The following RBFOX1 variants were observed in gnomAD, a reference collection of about 807,000 sequenced individuals.
RBFOX1 encodes RNA binding protein fox-1 homolog 1.
A neutral mutation model predicts 57.7 loss-of-function variants in RBFOX1; 8 were observed. That is an observed-to-expected ratio of 0.14 (90% confidence interval 0.08 to 0.25). The LOEUF is 0.25. Ranked by LOEUF, RBFOX1 falls within the 10% of genes least tolerant of loss-of-function variation. The pLI is 1.00. For synonymous variants in RBFOX1, 326 were observed against 222.4 expected, an observed-to-expected ratio of 1.47 and a Z score of -4.15; for missense variants, 611 against 548.5, an observed-to-expected ratio of 1.11 and a Z score of -1.14.
At chr16:6,341,952 T>G (rs2084639064) in intron 2 of RBFOX1, among the ~76,000 whole-genome samples, 1 of 152,204 alleles carries the variant, frequency 6.6e-6, no homozygotes, top group East Asian at 1.9e-4. Flanking sequence ...GTCAACTGAT[T>G]AGCAACCTTA....
intron 1 of RBFOX1, among the ~76,000 whole-genome samples, chr16:6,298,510 T>C (rs2078408033): frequency 6.6e-6 from 1 of 152,246 alleles, no homozygotes; most frequent in African/African-American, 2.4e-5. Context: ...GAGTGACTGC[T>C]GGTAAGCCTT....
chr16:7,340,565 C>A (rs190723175), intron 4 of RBFOX1, among the ~76,000 whole-genome samples: 148 of 152,252 alleles, frequency 9.7e-4, no homozygotes, highest in African/African-American at 3.4e-3. Context: ...CAAGACAGTC[C>A]AACCAGGACA....
chr16:6,156,356 C>G (rs1007106024), intron 1 of RBFOX1, among the ~76,000 whole-genome samples: 1 of 152,144 alleles, frequency 6.6e-6, no homozygotes, highest in African/African-American at 2.4e-5. Context: ...CTAGCCCCAC[C>G]CAGTGAATCA....
In RBFOX1 at chr16:7,386,420, C is replaced by A. The variant is rs1303490166; in HGVS notation, c.28-131727C>A. Among the ~76,000 whole-genome samples, 4 of 151,452 alleles carry A rather than the reference C, an allele frequency of 2.6e-5. No homozygotes were observed. The East Asian group carries it at 7.8e-4, about 29-fold the overall frequency. ...ACAGGCCCCAGTGTGTGATGTTCCC[C>A]TCCCTGTGTCCATGTATTCTCATTG... On this transcript the variant is annotated intron_variant, in intron 4 of 15. Transcript: ENST00000550418.
chr16:5,653,042 G>A (rs2049292752), intron 3 of RBFOX1, among the ~76,000 whole-genome samples: 1 of 149,858 alleles, frequency 6.7e-6, no homozygotes, highest in Admixed American at 6.6e-5. Context: ...GCGGAAAGTG[G>A]GGTGCTGAGC....
chr16:6,280,068 A>T (rs930557571), intron 1 of RBFOX1, among the ~76,000 whole-genome samples: 2 of 152,148 alleles, frequency 1.3e-5, no homozygotes, highest in African/African-American at 4.8e-5. Flanking sequence ...CATCCTAGAA[A>T]AGACAGACTA....
intron 4 of RBFOX1, among the ~76,000 whole-genome samples, chr16:5,967,312 C>G (rs1278874785): frequency 6.6e-6 from 1 of 152,176 alleles, no homozygotes; most frequent in Admixed American, 6.5e-5. Flanking sequence ...CATTATGTAA[C>G]ATTACTGTGG....
intron 4 of RBFOX1, among the ~76,000 whole-genome samples, chr16:7,387,187 A>C (rs1297996019): frequency 2.0e-5 from 3 of 152,144 alleles, no homozygotes; most frequent in Non-Finnish European, 4.4e-5. Context: ...TGAAACAGGC[A>C]GTTTTTTGAG....
At chr16:7,262,946 G>A (rs1006638124) in intron 4 of RBFOX1, among the ~76,000 whole-genome samples, 3 of 152,188 alleles carry the variant, frequency 2.0e-5, no homozygotes. Flanking sequence ...GGACAAGAGA[G>A]TAAAATTTCT....
intron 4 of RBFOX1, among the ~76,000 whole-genome samples, chr16:7,393,796 G>C (rs948884699): frequency 6.6e-6 from 1 of 152,162 alleles, no homozygotes; most frequent in Non-Finnish European, 1.5e-5. Flanking sequence ...CTTTACTCCA[G>C]GCATCTCTGG....
intron 3 of RBFOX1, among the ~76,000 whole-genome samples, chr16:5,691,056 T>C (rs1427658725): frequency 6.6e-6 from 1 of 152,172 alleles, no homozygotes; most frequent in East Asian, 1.9e-4. Flanking sequence ...ATGGAAATAA[T>C]ATGAGCTTAT....
chr16:6,317,395 C>A (rs988973635), intron 2 of RBFOX1, among the ~76,000 whole-genome samples: 4 of 151,902 alleles, frequency 2.6e-5, no homozygotes, highest in African/African-American at 9.7e-5. Flanking sequence ...ATTCTGTCCC[C>A]CTTCTGAGTC....
At chr16:7,334,531 T>C (rs939737871) in intron 4 of RBFOX1, among the ~76,000 whole-genome samples, 1 of 152,172 alleles carries the variant, frequency 6.6e-6, no homozygotes, top group Non-Finnish European at 1.5e-5. Flanking sequence ...TCTATGCTGA[T>C]TGATGCTGAA....
intron 2 of RBFOX1, among the ~76,000 whole-genome samples, chr16:6,644,450 T>C (rs1487389659): frequency 1.4e-4 from 21 of 152,222 alleles, no homozygotes; most frequent in Non-Finnish European, 2.9e-5. Context: ...TCAGCAGTAA[T>C]CAATTTCTCA....
At chr16:7,217,371 T>C (rs1339352715) in intron 4 of RBFOX1, among the ~76,000 whole-genome samples, 1 of 147,926 alleles carries the variant, frequency 6.8e-6, no homozygotes, top group Non-Finnish European at 1.5e-5. Context: ...CCTTAGGTGA[T>C]GTCCACCTTG....
chr16:5,502,922 C>A (rs964302659), intron 2 of RBFOX1, among the ~76,000 whole-genome samples: 1 of 152,176 alleles, frequency 6.6e-6, no homozygotes, highest in African/African-American at 2.4e-5. Context: ...GATGGACTCC[C>A]CCTGCAGAGG....
intron 4 of RBFOX1, among the ~76,000 whole-genome samples, chr16:7,134,607 C>A (rs980189028): frequency 6.6e-6 from 1 of 152,180 alleles, no homozygotes; most frequent in African/African-American, 2.4e-5. Flanking sequence ...CCTCCTCTCC[C>A]TTCACCCTGC....
intron 4 of RBFOX1, among the ~76,000 whole-genome samples, chr16:7,206,985 A>G (rs998330303): frequency 6.6e-6 from 1 of 152,154 alleles, no homozygotes. Flanking sequence ...GGCCTTTTGC[A>G]GCCAATTTAG....
intron 2 of RBFOX1, among the ~76,000 whole-genome samples, chr16:5,548,158 TAAAAAAAAAA>T (rs59117140): frequency 1.2e-5 from 1 of 82,462 alleles, no homozygotes; most frequent in East Asian, 2.3e-4. Context: ...AAGACTCTGT[TAAAAAAAAAA>T]AAAAAAATAT....
Sources: gnomAD v4.1 joint callset for allele counts (sites outside exome capture counted in the v4.1 genomes callset) on GRCh38, gnomAD v4.1.1 for gene constraint, MANE v1.5 for transcripts, NCBI Gene and HGNC (gene_info 2026-07-23, HGNC 2026-07-21) for gene names.